The following ROBO2 variants were observed in gnomAD, a reference collection of about 807,000 sequenced individuals.
The protein encoded by ROBO2 is roundabout guidance receptor 2.
Under a neutral mutation model 160.8 loss-of-function variants are expected in ROBO2, and 53 were observed. The ratio of observed to expected loss-of-function variants is 0.33; its 90% CI spans 0.26 to 0.41. ROBO2 has a LOEUF of 0.41. Among genes scored for constraint, ROBO2 ranks in the 10% least tolerant of loss-of-function variants. ROBO2 has a pLI of 1.00. For synonymous variants in ROBO2, 664 were observed against 611.7 expected, an observed-to-expected ratio of 1.09 and a Z score of -1.26; for missense variants, 1,577 against 1,722.4, an observed-to-expected ratio of 0.92 and a Z score of 1.49.
intron 2 of ROBO2, among the ~76,000 whole-genome samples, chr3:77,368,596 C>G (rs1399950002): frequency 6.6e-6 from 1 of 152,118 alleles, no homozygotes; most frequent in Non-Finnish European, 1.5e-5. Context: ...AAAAAGAATA[C>G]AATTAAAATA....
chr3:76,385,368 G>A (rs185011239), intron 2 of ROBO2, among the ~76,000 whole-genome samples: 72 of 152,272 alleles, frequency 4.7e-4, no homozygotes, highest in African/African-American at 1.7e-3. Flanking sequence ...AGTTTCTTCA[G>A]TTCTCTTATA....
At chr3:77,586,272 A>C (rs1271693750) in intron 16 of ROBO2, among the ~76,000 whole-genome samples, 1 of 152,130 alleles carries the variant, frequency 6.6e-6, no homozygotes, top group Non-Finnish European at 1.5e-5. Flanking sequence ...ATTTACATTG[A>C]CTTAAGAGTT....
intron 2 of ROBO2, among the ~76,000 whole-genome samples, chr3:76,910,725 C>CAAAAAAAA (rs10662303): frequency 9.5e-4 from 33 of 34,852 alleles, no homozygotes; most frequent in Non-Finnish European, 1.2e-3. Flanking sequence ...AACTCTGTCT[C>CAAAAAAAA]AAAAAAAAAA....
At position 76,618,609 on chromosome 3, in the gene ROBO2, C is replaced by T. The variant is rs1177982448; in HGVS notation, c.110-479405C>T. 2.6e-5 allele frequency among the ~76,000 whole-genome samples: 4 copies of T among 151,694 alleles called. 1 individual carries two copies. The highest frequency in any genetic ancestry group is 2.6e-4 in the Admixed American group (4 of 15,272). On this transcript the variant is annotated intron_variant, in intron 2 of 26. Coordinates refer to the ROBO2 transcript ENST00000487694. ...ACCTGATAATTCCTTGAACATAATGCTCCAATGGGGGAAAAATAGTGTTTA... is the reference window on the plus strand; with the variant it reads ...ACCTGATAATTCCTTGAACATAATGTTCCAATGGGGGAAAAATAGTGTTTA...
At chr3:77,045,210 G>A (rs1200919212) in intron 1 of ROBO2, among the ~76,000 whole-genome samples, 1 of 152,150 alleles carries the variant, frequency 6.6e-6, no homozygotes, top group Non-Finnish European at 1.5e-5. Context: ...TTTTAGTAGT[G>A]TGTTATACAA....
chr3:77,293,906 G>GA (rs2061653944), intron 2 of ROBO2, among the ~76,000 whole-genome samples: 3 of 141,412 alleles, frequency 2.1e-5, no homozygotes, highest in East Asian at 4.0e-4. Flanking sequence ...GTAAGCTGCA[G>GA]CTAGATCACC....
intron 1 of ROBO2, among the ~76,000 whole-genome samples, chr3:77,045,979 T>C (rs1163668517): frequency 6.6e-6 from 1 of 152,252 alleles, no homozygotes. Context: ...CAAACAATAT[T>C]CCTTATCATC....
chr3:76,555,425 G>GGAAGAAGAA (rs2083711872), intron 2 of ROBO2, among the ~76,000 whole-genome samples: 1 of 68,472 alleles, frequency 1.5e-5, no homozygotes, highest in African/African-American at 4.2e-5. Context: ...AAGAAAGAAG[G>GGAAGAAGAA]AGAAGGGGAA....
intron 2 of ROBO2, among the ~76,000 whole-genome samples, chr3:77,232,576 C>T (rs567094378): frequency 2.0e-3 from 300 of 152,088 alleles, no homozygotes; most frequent in Non-Finnish European, 3.3e-3. Context: ...ATTAAAAATG[C>T]GGATATTGTG....
chr3:76,591,746 A>G (rs1322639459), intron 2 of ROBO2, among the ~76,000 whole-genome samples: 1 of 152,118 alleles, frequency 6.6e-6, no homozygotes, highest in Non-Finnish European at 1.5e-5. Flanking sequence ...CTCTGACTAA[A>G]CATTGCAGAA....
At chr3:76,614,791 G>A (rs578156281) in intron 2 of ROBO2, among the ~76,000 whole-genome samples, 116 of 152,200 alleles carry the variant, frequency 7.6e-4, no homozygotes, top group South Asian at 1.7e-3. Context: ...TTTATTTTAA[G>A]GAAACTTGTC....
chr3:75,912,226 A>T (rs1347060441), intron 1 of ROBO2, among the ~76,000 whole-genome samples: 2 of 152,190 alleles, frequency 1.3e-5, no homozygotes, highest in East Asian at 3.9e-4. Context: ...AGAGAAGGGA[A>T]ATATTTACAC....
At chr3:75,984,936 A>G (rs2065374678) in intron 2 of ROBO2, among the ~76,000 whole-genome samples, 2 of 151,330 alleles carry the variant, frequency 1.3e-5, no homozygotes, top group Non-Finnish European at 3.0e-5. Flanking sequence ...TAAGGGTAAT[A>G]CTCTTATTTA....
chr3:76,948,908 A>ATATATATATATTTTTTTT (rs1209284372), intron 2 of ROBO2, among the ~76,000 whole-genome samples: 1 of 24,970 alleles, frequency 4.0e-5, no homozygotes, highest in African/African-American at 1.8e-4. Context: ...ATATATATAT[A>ATATATATATATTTTTTTT]TTTTTTTTTT....
intron 2 of ROBO2, among the ~76,000 whole-genome samples, chr3:76,745,955 G>T (rs1230630069): frequency 6.7e-6 from 1 of 148,372 alleles, no homozygotes; most frequent in African/African-American, 2.5e-5. Flanking sequence ...TTAACATTAG[G>T]TATATCTCCT....
intron 2 of ROBO2, among the ~76,000 whole-genome samples, chr3:76,943,811 A>G (rs754708097): frequency 3.3e-5 from 5 of 152,124 alleles, no homozygotes; most frequent in Non-Finnish European, 5.9e-5. Flanking sequence ...CGTGCCAAAT[A>G]TTGTTTGGTG....
chr3:76,783,458 T>A (rs2108633620), intron 2 of ROBO2, among the ~76,000 whole-genome samples: 1 of 150,918 alleles, frequency 6.6e-6, no homozygotes, highest in Non-Finnish European at 1.5e-5. Context: ...TTATCACTCT[T>A]TCATTTCTGA....
chr3:76,295,546 A>G (rs1709026215), intron 2 of ROBO2, among the ~76,000 whole-genome samples: 1 of 152,200 alleles, frequency 6.6e-6, no homozygotes, highest in South Asian at 2.1e-4. Flanking sequence ...ATTTACAAAA[A>G]AACTGTTCTT....
chr3:76,803,144 G>A (rs2064356195), intron 2 of ROBO2, among the ~76,000 whole-genome samples: 1 of 152,132 alleles, frequency 6.6e-6, no homozygotes, highest in African/African-American at 2.4e-5. Context: ...AGTCATATTT[G>A]TATAATTTGT....
Sources: allele counts gnomAD v4.1 joint callset (sites outside exome capture counted in the v4.1 genomes callset), GRCh38; gene constraint gnomAD v4.1.1; transcripts MANE v1.5; gene names NCBI Gene and HGNC (gene_info 2026-07-23, HGNC 2026-07-21).